The following ADAM19 variants were observed in gnomAD, a reference collection of about 807,000 sequenced individuals.
The protein encoded by ADAM19 is disintegrin and metalloproteinase domain-containing protein 19.
Under a neutral mutation model 114.7 loss-of-function variants are expected in ADAM19, and 65 were observed. The ratio of observed to expected loss-of-function variants is 0.57; its 90% CI spans 0.46 to 0.70. The LOEUF is 0.70. Ranked by LOEUF, ADAM19 falls within the 30% of genes least tolerant of loss-of-function variation. The probability of loss-of-function intolerance (pLI) is 0.00; values close to 1 mark genes in which losing one functional copy is unlikely to be tolerated. For missense variants in ADAM19, 1,063 were observed against 1,204.7 expected (o/e 0.88, Z 1.74); for synonymous variants, 466 against 460.5 (o/e 1.01, Z -0.15).
chr5:157,561,022 G>A (rs1034832947), intron 3 of ADAM19, among the ~76,000 whole-genome samples: 1 of 152,206 alleles, frequency 6.6e-6, no homozygotes, highest in African/African-American at 2.4e-5. Flanking sequence ...GCTTAAAGAG[G>A]CTACAAGGTA....
intron 4 of ADAM19, among the ~76,000 whole-genome samples, chr5:157,536,401 G>A (rs1756766536): frequency 6.6e-6 from 1 of 152,206 alleles, no homozygotes; most frequent in East Asian, 1.9e-4. Flanking sequence ...GCCAAGGTGG[G>A]CAGATCACCT....
intron 1 of ADAM19, among the ~76,000 whole-genome samples, chr5:157,574,554 G>C (rs1294783581): frequency 6.6e-6 from 1 of 152,100 alleles, no homozygotes; most frequent in African/African-American, 2.4e-5. Context: ...GCCCACCCTC[G>C]CTCCGCCGGT....
chr5:157,560,568 A>G (rs925994559), intron 3 of ADAM19, among the ~76,000 whole-genome samples: 1 of 152,268 alleles, frequency 6.6e-6, no homozygotes, highest in Non-Finnish European at 1.5e-5. Flanking sequence ...GACTGTCTTC[A>G]TGACATCCAG....
intron 21 of ADAM19, among the ~76,000 whole-genome samples, chr5:157,485,481 C>A (rs1754903962): frequency 6.6e-6 from 1 of 152,172 alleles, no homozygotes; most frequent in Non-Finnish European, 1.5e-5. Context: ...AAAGATATCC[C>A]AAAGAGTGAT....
intron 14 of ADAM19, among the ~76,000 whole-genome samples, chr5:157,495,734 A>G (rs796671417): frequency 1.5e-4 from 23 of 152,158 alleles, no homozygotes; most frequent in African/African-American, 5.3e-4. Context: ...CCCAGTTTCA[A>G]GAGATTCTCC....
intron 3 of ADAM19, among the ~76,000 whole-genome samples, chr5:157,558,928 A>T (rs1455732934): frequency 2.6e-5 from 4 of 152,222 alleles, no homozygotes; most frequent in African/African-American, 9.6e-5. Context: ...TTAGGGAGCT[A>T]GATTACTCCA....
chr5:157,520,920 A>G (rs1227567192), intron 5 of ADAM19, among the ~76,000 whole-genome samples: 1 of 152,250 alleles, frequency 6.6e-6, no homozygotes, highest in African/African-American at 2.4e-5. Flanking sequence ...CCTCTGGAAG[A>G]CAGTCACAAA....
intron 3 of ADAM19, among the ~76,000 whole-genome samples, chr5:157,554,883 G>A (rs1214917975): frequency 2.0e-5 from 3 of 152,204 alleles, no homozygotes; most frequent in Non-Finnish European, 2.9e-5. Flanking sequence ...CCTCCAGGTA[G>A]TGCAAGGAGC....
Position 157,530,853 on chromosome 5 carries a change from C to G in ADAM19, c.361G>C (p.Glu121Gln), listed in dbSNP as rs375540919. 6.2e-7 allele frequency: 1 copy of G among 1,614,030 alleles called. No homozygotes were observed. The highest frequency in any genetic ancestry group is 8.5e-7 in the Non-Finnish European group (1 of 1,180,028). The change falls in exon 5 of 23, where the codon GAG (glutamate) becomes CAG (glutamine). Residue 121 changes from glutamate (E) to glutamine (Q), a missense_variant. Glu to Gln is a conservative substitution (Grantham distance 29). Around this residue, in one of 3 missense-constraint regions of ADAM19, gnomAD observed 615 missense variants for 706.3 expected, o/e 0.87. Transcript: ENST00000257527. The stretch of plus-strand genomic sequence containing the variant: ...AGCGTGACGCTGGACAGTTCTGTCT[C>G]CCTCACCGTGCCGTGGTAAAAGCAG... ...DHCFYHGTVR[E>Q]TELSSVTLST...
In ADAM19 at chr5:157,530,865, C is replaced by T. The variant is rs973923975; in HGVS notation, c.349G>A (p.Gly117Ser). ...GACAGTTCTGTCTCCCTCACCGTGCCGTGGTAAAAGCAGTGATCCTAGCAA... is the reference window on the plus strand; with the variant it reads ...GACAGTTCTGTCTCCCTCACCGTGCTGTGGTAAAAGCAGTGATCCTAGCAA... Reference protein sequence around the residue: ...RKLEDHCFYHGTVRETELSSV... With the variant: ...RKLEDHCFYHSTVRETELSSV... Residue 117 changes from glycine (G) to serine (S), a missense_variant, in exon 5 of 23, where the codon GGC becomes AGC. Coordinates refer to ENST00000257527, the MANE Select transcript of ADAM19 (RefSeq NM_033274.5). The T allele has an allele frequency of 5.6e-6, 9 of 1,613,998 alleles. No individual in the cohort carries two copies. Among genetic ancestry groups the T allele is most frequent in the African/African-American group, 1.3e-5 (1 of 74,898 alleles).
At chr5:157,530,922 T>G in intron 4 of ADAM19, 39 bp from the exon 5 acceptor site, 1 of 1,533,326 alleles carries the variant, frequency 6.5e-7, no homozygotes, top group Non-Finnish European at 9.0e-7. Flanking sequence ...TAAAGAACAC[T>G]GATAAGCATG....
chr5:157,537,499 T>C (rs1432708317), intron 4 of ADAM19, among the ~76,000 whole-genome samples: 1 of 152,214 alleles, frequency 6.6e-6, no homozygotes, highest in African/African-American at 2.4e-5. Context: ...TGCACAGTGA[T>C]TACAACTCTG....
chr5:157,561,462 T>C (rs1757506294), intron 3 of ADAM19, among the ~76,000 whole-genome samples: 1 of 152,016 alleles, frequency 6.6e-6, no homozygotes, highest in Non-Finnish European at 1.5e-5. Flanking sequence ...AAATGTCCTC[T>C]CCCTCCCCCC....
At position 157,493,080 on chromosome 5, in the gene ADAM19, T is replaced by C; in HGVS notation, c.1801A>G (p.Arg601Gly). 5 of 1,614,172 alleles carry C rather than the reference T, an allele frequency of 3.1e-6. No individual in the cohort carries two copies. The highest frequency in any genetic ancestry group is 4.2e-6 in the Non-Finnish European group (5 of 1,180,024). Residue 601 changes from arginine (R) to glycine (G), a missense_variant, in exon 16 of 23, where the codon AGG (arginine) becomes GGG (glycine). By Grantham distance (125) the Arg-to-Gly change is moderately radical. Transcript: ENST00000257527. Reference protein sequence around the residue: ...PIDTTIIMNGRQIQCRGTHVY... With the variant: ...PIDTTIIMNGGQIQCRGTHVY... ...TGGGTGCCCCGGCACTGGATCTGCC[T>C]CCCATTCATGATGATAGTGGTGTCA...
At position 157,575,633 on chromosome 5, in the gene ADAM19, G is replaced by T; in HGVS notation, c.64C>A (p.Pro22Thr). The change falls in exon 1 of 23, where the codon CCG becomes ACG. Residue 22 changes from proline to threonine, a missense_variant. Coordinates refer to ENST00000257527, the MANE Select transcript of ADAM19 (RefSeq NM_033274.5). ...LLAFALQPLR[P>T]RAAREPGWTR... is the part of the protein sequence containing the mutation. ...CATCCAGGCTCCCGCGCCGCCCGCGGCCGGAGGGGCTGCAGGGCAAACGCC... is the reference window on the plus strand; with the variant it reads ...CATCCAGGCTCCCGCGCCGCCCGCGTCCGGAGGGGCTGCAGGGCAAACGCC... 7.0e-7 allele frequency: 1 copy of T among 1,438,356 alleles called. No homozygotes were observed. The highest frequency in any genetic ancestry group is 2.3e-4 in the Middle Eastern group (1 of 4,322). 89.1% of individuals were successfully genotyped at this position (1,438,356 alleles called of 1,614,324 possible).
chr5:157,570,274 C>A (rs1219345113), intron 2 of ADAM19, among the ~76,000 whole-genome samples: 1 of 149,992 alleles, frequency 6.7e-6, no homozygotes, highest in South Asian at 2.1e-4. Context: ...AACAAACAAA[C>A]AAAAAAACAA....
At chr5:157,503,038 G>T in intron 11 of ADAM19, 58 bp from the exon 12 acceptor site, 1 of 1,529,384 alleles carries the variant, frequency 6.5e-7, no homozygotes, top group Non-Finnish European at 9.0e-7. Context: ...AGTCAGGCAG[G>T]TGTCACTCGT....
chr5:157,554,427 C>T (rs959217050), intron 3 of ADAM19, among the ~76,000 whole-genome samples: 3 of 152,238 alleles, frequency 2.0e-5, no homozygotes, highest in African/African-American at 7.2e-5. Context: ...AGAGCCGGAA[C>T]CAGTGAACAA....
chr5:157,480,713 G>A lies in ADAM19; in HGVS notation c.*236C>T. 3.7e-6 allele frequency: 5 copies of A among 1,354,280 alleles called. No individual in the cohort carries two copies. The highest frequency in any genetic ancestry group is 4.8e-6 in the Non-Finnish European group (5 of 1,052,498). 83.9% of individuals were successfully genotyped at this position (1,354,280 alleles called of 1,614,324 possible). On this transcript the variant is annotated 3_prime_UTR_variant, in exon 23 of 23. Transcript: ENST00000257527. ...CTCATACTCTCCCCTCCCTACCTGGGGCTGTATATTGCACAAAACAACACC... is the reference window on the plus strand; with the variant it reads ...CTCATACTCTCCCCTCCCTACCTGGAGCTGTATATTGCACAAAACAACACC...
Sources: gnomAD v4.1 joint callset for allele counts (sites outside exome capture counted in the v4.1 genomes callset) on GRCh38, gnomAD v4.1.1 for gene constraint, gnomAD v4.1.1 regional missense constraint, MANE v1.5 for transcripts, NCBI Gene and HGNC (gene_info 2026-07-23, HGNC 2026-07-21) for gene names.